Variants in SERINC2 observed in about 807,000 individuals in gnomAD.
The protein encoded by SERINC2 is tumor differentially expressed protein 2.
In SERINC2, 56 loss-of-function variants were observed where a neutral mutation model predicts 54.2. That is an observed-to-expected ratio of 1.03 (90% CI 0.83 to 1.29). The LOEUF (loss-of-function observed/expected upper bound fraction) is 1.29, where lower values mean the gene tolerates loss of function less well. Ranked by LOEUF, SERINC2 falls within the 50% of genes most tolerant of loss-of-function variation. The pLI, the probability that SERINC2 is intolerant of heterozygous loss-of-function variation, is 0.00. For missense variants in SERINC2, 614 were observed against 607.4 expected, an observed-to-expected ratio of 1.01 and a Z score of -0.12; for synonymous variants, 272 against 253.1, an observed-to-expected ratio of 1.07 and a Z score of -0.71.
chr1:31,418,161 A>T (rs986236553), intron 1 of SERINC2, among the ~76,000 whole-genome samples: 1 of 152,072 alleles, frequency 6.6e-6, no homozygotes. Flanking sequence ...ACCTGGCCTC[A>T]TTCCTTTTTA....
chr1:31,413,163 C>G, upstream of SERINC2: 1 of 863,356 alleles, frequency 1.2e-6, no homozygotes, highest in Non-Finnish European at 1.4e-6. This position sits in a 1 kb window ranked among gnomAD's most constrained non-coding sequence, Gnocchi z 5.0. Flanking sequence ...TGGGGCGGGG[C>G]CGGGGCGGGG....
intron 9 of SERINC2, 37 bp downstream of exon 9, chr1:31,433,222 T>C (rs782706087): frequency 5.8e-6 from 9 of 1,541,902 alleles, no homozygotes; most frequent in Non-Finnish European, 8.1e-6. Context: ...AGCCCGGAGG[T>C]GCAGGGTGCA....
chr1:31,433,973 T>G, intron 9 of SERINC2, 91 bp from the exon 10 acceptor site: 2 of 1,344,000 alleles, frequency 1.5e-6, no homozygotes, highest in Non-Finnish European at 2.1e-6. Context: ...AGAGTTGAAG[T>G]CAGGGGTCAT....
Position 31,413,884 on chromosome 1 carries a change from T to C in SERINC2, c.39+580T>C. 2.8e-6 allele frequency: 4 copies of C among 1,448,538 alleles called. No homozygotes were observed. The highest frequency in any genetic ancestry group is 3.6e-6 in the Non-Finnish European group (4 of 1,108,052). 89.7% of individuals were successfully genotyped at this position (1,448,538 alleles called of 1,614,324 possible). A position where few individuals can be genotyped will look rare whatever the true frequency, so the allele number is the denominator to read the frequency against. ...TTGTCCGTCTGCTGTCTTCTGTCCG[T>C]CTGCCCGTCCGCCCGTCCGTCCCTC... On this transcript the variant is annotated intron_variant, in intron 1 of 9. Coordinates refer to ENST00000373709, the MANE Select transcript of SERINC2 (RefSeq NM_178865.5). The surrounding 1 kb of genome is among the most constrained non-coding windows in gnomAD (Gnocchi z 5.0).
chr1:31,420,467 T>C (rs781850615), intron 1 of SERINC2, among the ~76,000 whole-genome samples: 17 of 152,350 alleles, frequency 1.1e-4, no homozygotes, highest in Non-Finnish European at 2.2e-4. Context: ...ACAGGGCACC[T>C]GGGCACCTGG....
Position 31,432,105 on chromosome 1 carries a change from G to A in SERINC2, c.1014-862G>A, listed in dbSNP as rs1553134711. On this transcript the variant is annotated intron_variant, in intron 8 of 9. Transcript: ENST00000373709. ...TGGTTAGGGTGGACAGGGTGGACAG[G>A]GTGGATAGGGTGGTTAGGGTGGATA... 3.1e-5 allele frequency among the ~76,000 whole-genome samples: 4 copies of A among 131,096 alleles called. 1 individual carries two copies. The highest frequency in any genetic ancestry group is 5.3e-4 in the South Asian group (2 of 3,784). The allele number at this position is 131,096 out of a possible 152,430, so 86.0% of individuals were successfully genotyped here.
Position 31,432,038 on chromosome 1 carries a change from ACAGGG to A in SERINC2, c.1014-928_1014-924del, listed in dbSNP as rs1641266412. On this transcript the variant is annotated intron_variant, in intron 8 of 9. Transcript: ENST00000373709. ...AGGGTGGACAGGGTGGACAGGGTGGACAGGGTGGACAGGGTGGACAGGGTGGACAG... is the reference window on the plus strand; with the variant it reads ...AGGGTGGACAGGGTGGACAGGGTGGATGGACAGGGTGGACAGGGTGGACAG... 6.6e-5 allele frequency among the ~76,000 whole-genome samples: 8 copies of A among 120,344 alleles called. 1 individual carries two copies. The highest frequency in any genetic ancestry group is 2.8e-4 in the South Asian group (1 of 3,514). The allele number at this position is 120,344 out of a possible 152,430, so 79.0% of individuals were successfully genotyped here.
chr1:31,425,388 C>A lies in SERINC2; in HGVS notation c.451C>A (p.Pro151Thr), dbSNP rs1553133411. ...VGLTVGAFYI[P>T]DGSFTNIWFY... Reference sequence around the variant, plus strand: ...CCTCACCGTGGGTGCCTTCTACATTCCTGACGGCTCCTTCACCAACAGTAG... The same window carrying A: ...CCTCACCGTGGGTGCCTTCTACATTACTGACGGCTCCTTCACCAACAGTAG... The change falls in exon 4 of 10, where the codon CCT becomes ACT. Residue 151 changes from proline to threonine, a missense_variant. Coordinates refer to ENST00000373709, the MANE Select transcript of SERINC2 (RefSeq NM_178865.5). 1 of 1,611,188 alleles carries A rather than the reference C, an allele frequency of 6.2e-7. No individual in the cohort carries two copies.
intron 2 of SERINC2, 122 bp from the exon 3 acceptor site, chr1:31,424,561 G>A: frequency 1.3e-6 from 1 of 779,052 alleles, no homozygotes; most frequent in Non-Finnish European, 2.0e-6. Context: ...GTCTGGTCCA[G>A]CCCCTGCTGG....
chr1:31,411,883 C>T (rs1396859418), upstream of SERINC2, among the ~76,000 whole-genome samples: 2 of 151,104 alleles, frequency 1.3e-5, no homozygotes, highest in African/African-American at 4.9e-5. Context: ...CACTGGTGGT[C>T]ACAGCTACTT....
intron 7 of SERINC2, 103 bp from the exon 8 acceptor site, chr1:31,429,294 A>ATCTG: frequency 7.1e-7 from 1 of 1,412,768 alleles, no homozygotes; most frequent in Non-Finnish European, 9.7e-7. Flanking sequence ...TTGGCTGTGT[A>ATCTG]TCTGTCTGTC....
chr1:31,429,399 C>T lies in SERINC2; in HGVS notation c.874C>T (p.Gln292Ter), dbSNP rs1553134092. ...TWSALSSIPE[Q>*]KCNPHLPTQL... Reference sequence around the variant, plus strand: ...GGTGATTGTGCTCCCATCTCCAGAACAGAAATGCAACCCCCATTTGCCAAC... The same window carrying T: ...GGTGATTGTGCTCCCATCTCCAGAATAGAAATGCAACCCCCATTTGCCAAC... The change falls in exon 8 of 10, where the codon CAG (glutamine) becomes TAG (stop). Residue 292 changes from glutamine to a stop codon, truncating the protein, a stop_gained and splice_region_variant. Coordinates refer to ENST00000373709, the MANE Select transcript of SERINC2 (RefSeq NM_178865.5). LOFTEE classifies it high-confidence loss of function. 1.1e-5 allele frequency: 18 copies of T among 1,610,386 alleles called. No homozygotes were observed. Among genetic ancestry groups the T allele is most frequent in the Non-Finnish European group, 1.5e-5 (18 of 1,178,042 alleles).
Position 31,413,739 on chromosome 1 carries a change from G to GTATCATTAAAAA in SERINC2, c.39+435_39+436insTATCATTAAAAA. 2 of 1,309,230 alleles carry GTATCATTAAAAA rather than the reference G, an allele frequency of 1.5e-6. No individual in the cohort carries two copies. The highest frequency in any genetic ancestry group is 9.7e-7 in the Non-Finnish European group (1 of 1,033,424). 81.1% of individuals were successfully genotyped at this position (1,309,230 alleles called of 1,614,324 possible). A position where few individuals can be genotyped will look rare whatever the true frequency, so the allele number is the denominator to read the frequency against. On this transcript the variant is annotated intron_variant, in intron 1 of 9. Transcript: ENST00000373709. The surrounding 1 kb of genome is among the most constrained non-coding windows in gnomAD (Gnocchi z 5.0). ...TCGCCCGGGCCCCGTCCCTCCTGGCGAGTGCCCTGCCCTACCCCTCTGGCC... is the reference window on the plus strand; with the variant it reads ...TCGCCCGGGCCCCGTCCCTCCTGGCGTATCATTAAAAAAGTGCCCTGCCCTACCCCTCTGGCC...
chr1:31,415,325 C>T (rs1378845852), intron 1 of SERINC2, among the ~76,000 whole-genome samples: 2 of 152,218 alleles, frequency 1.3e-5, no homozygotes, highest in Non-Finnish European at 2.9e-5. Flanking sequence ...TCAGTGCCAT[C>T]CCCTTGGGGT....
At chr1:31,425,645 T>C in intron 4 of SERINC2, 131 bp from the exon 5 acceptor site, 1 of 1,194,990 alleles carries the variant, frequency 8.4e-7, no homozygotes, top group Non-Finnish European at 1.2e-6. Context: ...TGTGCGTAGC[T>C]AGGGGCTCCC....
At chr1:31,421,148 C>A (rs782345316) in intron 1 of SERINC2, among the ~76,000 whole-genome samples, 1 of 152,170 alleles carries the variant, frequency 6.6e-6, no homozygotes, top group Non-Finnish European at 1.5e-5. Context: ...CATAGGAGTG[C>A]GAACCCTATT....
intron 8 of SERINC2, among the ~76,000 whole-genome samples, chr1:31,431,675 CA>C (rs1641206000): frequency 6.6e-6 from 1 of 151,944 alleles, no homozygotes; most frequent in Admixed American, 6.6e-5. Context: ...AGCAAAGAAG[CA>C]TATGCAACCC....
rs1557499730 is a variant in SERINC2 at position 31,431,785 on chromosome 1, G to GTT, written c.1014-1182_1014-1181insTT. ...GAGGGTGGAGAGGGTGAATAGGGTGGATAGGGTGGATAGGGTGGACAGGGT... is the reference window on the plus strand; with the variant it reads ...GAGGGTGGAGAGGGTGAATAGGGTGGTTATAGGGTGGATAGGGTGGACAGGGT... On this transcript the variant is annotated intron_variant, in intron 8 of 9. Coordinates refer to ENST00000373709, the MANE Select transcript of SERINC2 (RefSeq NM_178865.5). Among the ~76,000 whole-genome samples the GTT allele has an allele frequency of 1.2e-3, 168 of 140,494 alleles. 34 individuals carry two copies. The highest frequency in any genetic ancestry group is 3.6e-3 in the Middle Eastern group (1 of 278). The allele number at this position is 140,494 out of a possible 152,430, so 92.2% of individuals were successfully genotyped here. A position where few individuals can be genotyped will look rare whatever the true frequency, so the allele number is the denominator to read the frequency against.
chr1:31,432,300 C>T (rs1043528617), intron 8 of SERINC2, among the ~76,000 whole-genome samples: 22 of 151,714 alleles, frequency 1.5e-4, no homozygotes, highest in Admixed American at 1.4e-3. Flanking sequence ...ATCCAGCTCT[C>T]CTTTTCACTT....
Sources: allele counts gnomAD v4.1 joint callset (sites outside exome capture counted in the v4.1 genomes callset), GRCh38; gene constraint gnomAD v4.1.1; non-coding constraint Gnocchi (gnomAD v3.1); transcripts MANE v1.5; gene names NCBI Gene and HGNC (gene_info 2026-07-23, HGNC 2026-07-21).